The following CRNKL1 variants were observed in gnomAD, a reference collection of about 807,000 sequenced individuals.
The protein encoded by CRNKL1 is crooked neck pre-mRNA splicing factor 1, also known as crooked neck-like protein 1.
CRNKL1 carries 35 observed loss-of-function variants against 103.7 expected under a neutral mutation model. The ratio of observed to expected loss-of-function variants is 0.34; its 90% CI spans 0.26 to 0.45. The LOEUF is 0.45. Ranked by LOEUF, CRNKL1 falls within the 20% of genes least tolerant of loss-of-function variation. The pLI is 1.00. For synonymous variants in CRNKL1, 267 were observed against 282.6 expected, an observed-to-expected ratio of 0.94 and a Z score of 0.55; for missense variants, 645 against 836.0, an observed-to-expected ratio of 0.77 and a Z score of 2.82.
At chr20:20,043,272 C>G (rs926409381) in intron 7 of CRNKL1, among the ~76,000 whole-genome samples, 2 of 152,226 alleles carry the variant, frequency 1.3e-5, no homozygotes, top group African/African-American at 4.8e-5. Flanking sequence ...CGACTTACAA[C>G]ATGTAAGTGG....
intron 5 of CRNKL1, 38 bp from the exon 6 acceptor site, chr20:20,045,524 T>A (rs371939149): frequency 3.9e-6 from 6 of 1,549,828 alleles, no homozygotes; most frequent in Non-Finnish European, 5.2e-6. Flanking sequence ...CAAAACAGCA[T>A]GGCTTAAAAA....
At chr20:20,053,582 A>G (rs1044140363), upstream of CRNKL1, among the ~76,000 whole-genome samples, 2 of 152,220 alleles carry the variant, frequency 1.3e-5, no homozygotes, top group Admixed American at 6.5e-5. Context: ...GGGAAAATAT[A>G]TATTTATGTA....
At chr20:20,052,645 C>A, upstream of CRNKL1, 2 of 1,613,386 alleles carry the variant, frequency 1.2e-6, no homozygotes, top group Non-Finnish European at 1.7e-6. Context: ...TGCAGGGCGT[C>A]CAGGGCGCAT....
upstream of CRNKL1, among the ~76,000 whole-genome samples, chr20:20,055,574 C>T (rs892202467): frequency 7.2e-5 from 11 of 152,180 alleles, no homozygotes; most frequent in African/African-American, 2.7e-4. Flanking sequence ...ATTTCCCTCG[C>T]TCGCTTTCTT....
chr20:20,050,345 T>C, intron 2 of CRNKL1, 125 bp downstream of exon 2: 1 of 711,362 alleles, frequency 1.4e-6, no homozygotes, highest in East Asian at 2.7e-5. Context: ...CAGAAGTACA[T>C]TATTCATGCG....
chr20:20,047,194 T>C (rs745618699), intron 5 of CRNKL1, among the ~76,000 whole-genome samples: 12 of 152,210 alleles, frequency 7.9e-5, no homozygotes, highest in Non-Finnish European at 1.8e-4. Flanking sequence ...TTAGTACAGT[T>C]AGTCCTCCAG....
intron 8 of CRNKL1, among the ~76,000 whole-genome samples, 191 bp downstream of exon 8, chr20:20,042,134 G>A (rs970266685): frequency 6.6e-6 from 1 of 152,186 alleles, no homozygotes; most frequent in African/African-American, 2.4e-5. Flanking sequence ...CCCCTCACGT[G>A]TGGCCACAAC....
rs371058193 is a variant in CRNKL1, at chr20:20,037,468, C to A, written c.1751G>T (p.Cys584Phe). 3 of 1,614,184 alleles carry A rather than the reference C, an allele frequency of 1.9e-6. No individual in the cohort carries two copies. Among genetic ancestry groups the A allele is most frequent in the Non-Finnish European group, 2.5e-6 (3 of 1,180,044 alleles). ...CATAAGTCTCTCTTCCTTTTCTTCA[C>A]AGTTTCGCATGGTTTTGTTAGCTTC... ...YEEANKTMRN[C>F]EEKEERLMLL... The change falls in exon 13 of 14, where the codon TGT becomes TTT. Residue 584 changes from cysteine to phenylalanine, a missense_variant. Cys to Phe is a radical substitution (Grantham distance 205, BLOSUM62 -2). Transcript: ENST00000536226.
Position 20,036,199 on chromosome 20 carries a change from G to C in CRNKL1, c.2060C>G (p.Ser687Cys). 1 of 1,613,656 alleles carries C rather than the reference G, an allele frequency of 6.2e-7. No individual in the cohort carries two copies. Among genetic ancestry groups the C allele is most frequent in the Non-Finnish European group, 8.5e-7 (1 of 1,179,824 alleles). Residue 687 changes from serine to cysteine, a missense_variant, in exon 14 of 14, where the codon TCC becomes TGC. Coordinates refer to ENST00000536226, the MANE Select transcript of CRNKL1 (RefSeq NM_001278628.2). The part of the protein sequence containing the change: ...HPDEDVDESE[S>C] ...CATTTGTCTATGAAAAAAAGATCAG[G>C]ATTCACTCTCATCGACGTCCTCATC...
chr20:20,040,624 C>T, intron 10 of CRNKL1, 62 bp downstream of exon 10: 2 of 1,277,882 alleles, frequency 1.6e-6, no homozygotes, highest in South Asian at 1.2e-5. Flanking sequence ...CTTCCAAGCA[C>T]CAAGATTTTA....
chr20:20,040,822 G>C (rs1231528100), intron 9 of CRNKL1, 56 bp from the exon 10 acceptor site: 26 of 1,202,818 alleles, frequency 2.2e-5, no homozygotes, highest in Non-Finnish European at 3.1e-5. Context: ...AAATTAAATT[G>C]AATTAAAATT....
rs976688517 is a variant in CRNKL1 at position 20,036,136 on chromosome 20, C to T, written c.*59G>A. On this transcript the variant is annotated 3_prime_UTR_variant, in exon 14 of 14. Coordinates refer to ENST00000536226, the MANE Select transcript of CRNKL1 (RefSeq NM_001278628.2). ...AATATATAAGAACTTCCAGGAGTCA[C>T]AAGAGTTCCAAACAATTAATTTATA... 32 of 1,544,776 alleles carry T rather than the reference C, an allele frequency of 2.1e-5. No homozygotes were observed. The highest frequency in any genetic ancestry group is 9.1e-5 in the Admixed American group (5 of 54,678).
Position 20,036,118 on chromosome 20 carries a change from A to G in CRNKL1, c.*77T>C. ...TCAATTTCTTACTGGTGAAATATAT[A>G]AGAACTTCCAGGAGTCACAAGAGTT... On this transcript the variant is annotated 3_prime_UTR_variant, in exon 14 of 14. Transcript: ENST00000536226. 2 of 1,415,498 alleles carry G rather than the reference A, an allele frequency of 1.4e-6. No individual in the cohort carries two copies. The highest frequency in any genetic ancestry group is 1.4e-5 in the African/African-American group (1 of 69,258). The allele number at this position is 1,415,498 out of a possible 1,614,324, so 87.7% of individuals were successfully genotyped here. A position where few individuals can be genotyped will look rare whatever the true frequency, so the allele number is the denominator to read the frequency against.
chr20:20,042,678 T>A (rs937618433), intron 7 of CRNKL1, among the ~76,000 whole-genome samples, 162 bp from the exon 8 acceptor site: 5 of 152,150 alleles, frequency 3.3e-5, no homozygotes, highest in African/African-American at 1.2e-4. Context: ...TCCCTGAGAC[T>A]GCATAAATAG....
intron 1 of CRNKL1, 61 bp downstream of exon 1, chr20:20,052,231 C>G: frequency 1.4e-6 from 2 of 1,449,362 alleles, no homozygotes; most frequent in South Asian, 1.2e-5. Context: ...CGGGCACCCT[C>G]AGGGCTGAGG....
chr20:20,036,455 C>T, intron 13 of CRNKL1, 93 bp from the exon 14 acceptor site: 2 of 1,167,582 alleles, frequency 1.7e-6, no homozygotes, highest in Non-Finnish European at 2.4e-6. Context: ...GGATGATTAC[C>T]TCCATTTTAC....
At chr20:20,039,554 A>C in intron 11 of CRNKL1, 55 bp downstream of exon 11, 1 of 1,600,254 alleles carries the variant, frequency 6.2e-7, no homozygotes, top group Non-Finnish European at 8.5e-7. Context: ...TGGTCATCTA[A>C]AGTAAGACTA....
At chr20:20,054,026 T>C (rs1292406166), upstream of CRNKL1, among the ~76,000 whole-genome samples, 1 of 150,184 alleles carries the variant, frequency 6.7e-6, no homozygotes, top group Admixed American at 6.6e-5. Context: ...TTTTTTTTTT[T>C]TTTTTTTTAG....
At chr20:20,053,310 T>A (rs1056734801), upstream of CRNKL1, among the ~76,000 whole-genome samples, 1 of 152,228 alleles carries the variant, frequency 6.6e-6, no homozygotes, top group Non-Finnish European at 1.5e-5. Context: ...ATTTCCTCCC[T>A]CCACAGCTTC....
Sources: gnomAD v4.1 joint callset for allele counts (sites outside exome capture counted in the v4.1 genomes callset) on GRCh38, gnomAD v4.1.1 for gene constraint, MANE v1.5 for transcripts, NCBI Gene and HGNC (gene_info 2026-07-23, HGNC 2026-07-21) for gene names.